Variants in NLRP5 observed in about 807,000 individuals in gnomAD.
The protein encoded by NLRP5 is NACHT, LRR and PYD domains-containing protein 5.
NLRP5 carries 93 observed loss-of-function variants against 113.1 expected under a neutral mutation model. That is an observed-to-expected ratio of 0.82 (90% confidence interval 0.70 to 0.98). The LOEUF (loss-of-function observed/expected upper bound fraction) is 0.98, where lower values mean the gene tolerates loss of function less well. Ranked by LOEUF, NLRP5 falls within the 50% of genes least tolerant of loss-of-function variation. NLRP5 has a pLI of 0.00. For synonymous variants in NLRP5, 751 were observed against 600.7 expected (o/e 1.25, Z -3.66); for missense variants, 1,808 against 1,514.3 (o/e 1.19, Z -3.22).
At chr19:56,010,247 C>G (rs76831444) in intron 3 of NLRP5, among the ~76,000 whole-genome samples, 20 of 152,040 alleles carry the variant, frequency 1.3e-4, no homozygotes, top group African/African-American at 4.1e-4. Flanking sequence ...AGTCATGCAG[C>G]GAGACCCAGA....
chr19:56,031,168 C>T (rs983396326), intron 7 of NLRP5, among the ~76,000 whole-genome samples: 8 of 152,148 alleles, frequency 5.3e-5, no homozygotes, highest in South Asian at 2.1e-4. Flanking sequence ...TTTAGGTGTA[C>T]GATACAATAT....
At position 56,041,676 on chromosome 19, in the gene NLRP5, G is replaced by A. The variant is rs149840722; in HGVS notation, c.2957+584G>A. On this transcript the variant is annotated intron_variant, in intron 11 of 14. Coordinates refer to ENST00000390649, the MANE Select transcript of NLRP5 (RefSeq NM_153447.4). ...AAACAACACTATTGCAGCGGGGCGCGGTGGCTCACACCTGTAACCCCAGCA... is the reference window on the plus strand; with the variant it reads ...AAACAACACTATTGCAGCGGGGCGCAGTGGCTCACACCTGTAACCCCAGCA... Among the ~76,000 whole-genome samples the A allele has an allele frequency of 2.8e-3, 422 of 152,220 alleles. 2 individuals are homozygous for A. Among genetic ancestry groups the A allele is most frequent in the African/African-American group, 8.9e-3 (369 of 41,524 alleles).
chr19:56,038,766 T>TGG (rs1257803406), intron 10 of NLRP5, among the ~76,000 whole-genome samples: 1 of 152,058 alleles, frequency 6.6e-6, no homozygotes, highest in Non-Finnish European at 1.5e-5. Context: ...GGCCTCCGAG[T>TGG]GGAAACGCAG....
intron 7 of NLRP5, among the ~76,000 whole-genome samples, chr19:56,029,872 T>C (rs1018203167): frequency 6.6e-5 from 10 of 150,840 alleles, no homozygotes; most frequent in African/African-American, 2.4e-4. Context: ...CTGGCCAACA[T>C]AGTGAAACCC....
At chr19:55,993,791 G>T in the NLRP5 span, among the ~76,000 whole-genome samples, 1 of 150,912 alleles carries the variant, frequency 6.6e-6, no homozygotes, top group African/African-American at 2.4e-5. Context: ...CACATGAAGA[G>T]CTACAGGCTC....
intron 2 of NLRP5, among the ~76,000 whole-genome samples, chr19:56,007,059 A>G (rs1272653174): frequency 6.6e-6 from 1 of 150,608 alleles, no homozygotes; most frequent in Non-Finnish European, 1.5e-5. Context: ...TTTTTTAAAA[A>G]TTGTATATAA....
chr19:56,041,611 C>T (rs1983525468), intron 11 of NLRP5, among the ~76,000 whole-genome samples: 1 of 152,176 alleles, frequency 6.6e-6, no homozygotes, highest in South Asian at 2.1e-4. Context: ...CGCTCCCCAG[C>T]ATTGGAGAGC....
At chr19:56,013,166 G>A (rs1020215591) in intron 3 of NLRP5, among the ~76,000 whole-genome samples, 1 of 152,054 alleles carries the variant, frequency 6.6e-6, no homozygotes, top group Non-Finnish European at 1.5e-5. Context: ...TGTGTGACTG[G>A]CTTTCTTCAT....
At position 56,027,258 on chromosome 19, in the gene NLRP5, A is replaced by G. The variant is rs770532741; in HGVS notation, c.1025A>G (p.Asp342Gly). 4.3e-6 allele frequency: 7 copies of G among 1,612,416 alleles called. No homozygotes were observed. Among genetic ancestry groups the G allele is most frequent in the Non-Finnish European group, 5.9e-6 (7 of 1,179,828 alleles). The change falls in exon 7 of 15, where the codon GAC becomes GGC. Residue 342 changes from aspartate to glycine, a missense_variant. Coordinates refer to ENST00000390649, the MANE Select transcript of NLRP5 (RefSeq NM_153447.4). The stretch of plus-strand genomic sequence containing the variant: ...GAGTTCATCTCCAGGGAGTGGCCAG[A>G]CTCCCAGGCTCCGGTGACGGAGATC...
chr19:56,040,276 C>T (rs1179328340), intron 10 of NLRP5, among the ~76,000 whole-genome samples: 3 of 152,072 alleles, frequency 2.0e-5, no homozygotes, highest in East Asian at 1.9e-4. Flanking sequence ...GAAAAATTGG[C>T]CCAGTACAGT....
Position 56,011,776 on chromosome 19 carries a change from C to T in NLRP5, c.508+2923C>T, listed in dbSNP as rs538332668. 6.8e-4 allele frequency among the ~76,000 whole-genome samples: 103 copies of T among 151,806 alleles called. 1 individual carries two copies. The highest frequency in any genetic ancestry group is 3.4e-3 in the Middle Eastern group (1 of 294). On this transcript the variant is annotated intron_variant, in intron 3 of 14. Coordinates refer to ENST00000390649, the MANE Select transcript of NLRP5 (RefSeq NM_153447.4). The stretch of plus-strand genomic sequence containing the variant: ...TGGCTTGATCTTGGCTCACTGCAAC[C>T]TCTGCCTCCCAGGTTCAAGCGATTC...
Position 56,027,627 on chromosome 19 carries a change from T to A in NLRP5, c.1394T>A (p.Leu465His). 6.2e-7 allele frequency: 1 copy of A among 1,613,642 alleles called. No homozygotes were observed. Among genetic ancestry groups the A allele is most frequent in the Non-Finnish European group, 8.5e-7 (1 of 1,179,894 alleles). Residue 465 changes from leucine to histidine, a missense_variant, in exon 7 of 15, where the codon CTC becomes CAC. Leu to His is a moderately conservative substitution (Grantham distance 99, BLOSUM62 -3). Coordinates refer to ENST00000390649, the MANE Select transcript of NLRP5 (RefSeq NM_153447.4). ...GCGATCATGAACAACCGTGAGCTGC[T>A]CGACCAGTGCCAGGTGCCCGCCGTG...
chr19:56,041,140 A>T, intron 11 of NLRP5, 48 bp downstream of exon 11: 1 of 1,580,566 alleles, frequency 6.3e-7, no homozygotes, highest in South Asian at 1.1e-5. Flanking sequence ...TTTCTAACAT[A>T]GCATGGTGTA....
intron 11 of NLRP5, among the ~76,000 whole-genome samples, chr19:56,044,662 C>G (rs2123328453): frequency 6.6e-6 from 1 of 152,240 alleles, no homozygotes; most frequent in East Asian, 1.9e-4. Flanking sequence ...CAGATTTGTT[C>G]TTTTTGCTGA....
chr19:56,025,573 C>CT (rs11414927), intron 6 of NLRP5, among the ~76,000 whole-genome samples: 133,329 of 151,104 alleles, frequency 0.88, 58,950 homozygotes, highest in Non-Finnish European at 0.91. Flanking sequence ...GTCTGGCTAA[C>CT]TTTTTTTTTC....
intron 9 of NLRP5, among the ~76,000 whole-genome samples, chr19:56,037,433 T>C (rs7258600): frequency 0.11 from 17,078 of 152,072 alleles, 1,018 homozygotes; most frequent in African/African-American, 0.15. Context: ...CAGTGGCTCA[T>C]GCCTGTAATC....
intron 14 of NLRP5, among the ~76,000 whole-genome samples, chr19:56,058,861 A>G (rs1394217512): frequency 1.3e-5 from 2 of 152,224 alleles, no homozygotes; most frequent in African/African-American, 4.8e-5. Flanking sequence ...AATGTGGTGT[A>G]TACCAACAAT....
chr19:56,007,725 C>A (rs1477871264), intron 2 of NLRP5, among the ~76,000 whole-genome samples: 3 of 147,504 alleles, frequency 2.0e-5, no homozygotes, highest in Middle Eastern at 3.5e-3. Flanking sequence ...TGTTGAGTGA[C>A]CCAGAGGGGA....
Position 56,040,117 on chromosome 19 carries a change from A to G in NLRP5, c.2787-805A>G, listed in dbSNP as rs968162006. 2.8e-4 allele frequency among the ~76,000 whole-genome samples: 43 copies of G among 151,888 alleles called. 1 individual carries two copies. Among genetic ancestry groups the G allele is most frequent in the Non-Finnish European group, 1.2e-4 (8 of 67,976 alleles). On this transcript the variant is annotated intron_variant, in intron 10 of 14. Transcript: ENST00000390649. ...ATGCATGTACCACCATGCCCGGCTA[A>G]TTTTTTCTTTTTAGAGACAGAGTCT...
Sources: allele counts gnomAD v4.1 joint callset (sites outside exome capture counted in the v4.1 genomes callset), GRCh38; gene constraint gnomAD v4.1.1; transcripts MANE v1.5; gene names NCBI Gene and HGNC (gene_info 2026-07-23, HGNC 2026-07-21).